UBE2G1: variants seen among roughly 807,000 people sequenced by gnomAD.
UBE2G1 encodes ubiquitin-conjugating enzyme E2 G1.
Under a neutral mutation model 22.7 loss-of-function variants are expected in UBE2G1, and 5 were observed. The observed-to-expected ratio is 0.22, with a 90% CI of 0.12 to 0.46. UBE2G1 has a LOEUF of 0.46. Ranked by LOEUF, UBE2G1 falls within the 20% of genes least tolerant of loss-of-function variation. The probability of loss-of-function intolerance (pLI) is 0.99; values close to 1 mark genes in which losing one functional copy is unlikely to be tolerated. For missense variants in UBE2G1, 88 were observed against 203.9 expected (o/e 0.43, Z 3.46); for synonymous variants, 74 against 67.5 (o/e 1.10, Z -0.47).
At chr17:4,283,966 G>T (rs943079775) in intron 4 of UBE2G1, among the ~76,000 whole-genome samples, 1 of 151,896 alleles carries the variant, frequency 6.6e-6, no homozygotes, top group African/African-American at 2.4e-5. Context: ...GACCAGCCTG[G>T]CCAACATGAT....
intron 1 of UBE2G1, among the ~76,000 whole-genome samples, chr17:4,365,635 G>C (rs2143845013): frequency 6.6e-6 from 1 of 152,176 alleles, no homozygotes; most frequent in Non-Finnish European, 1.5e-5. Flanking sequence ...GGGCGGCGCA[G>C]CCGGAGCCCG....
chr17:4,342,492 C>G (rs1402457008), intron 1 of UBE2G1, among the ~76,000 whole-genome samples: 1 of 152,218 alleles, frequency 6.6e-6, no homozygotes, highest in Non-Finnish European at 1.5e-5. Context: ...ACTGGGGAAG[C>G]TGAGGCTTGA....
chr17:4,284,660 A>G (rs1598179720), intron 4 of UBE2G1, among the ~76,000 whole-genome samples: 1 of 151,676 alleles, frequency 6.6e-6, no homozygotes, highest in Admixed American at 6.6e-5. Flanking sequence ...GCCAAAAACA[A>G]TTACTCCTTC....
At position 4,272,337 on chromosome 17, in the gene UBE2G1, A is replaced by G; in HGVS notation, c.*217T>C. 5.7e-6 allele frequency: 1 copy of G among 176,162 alleles called. No homozygotes were observed. The highest frequency in any genetic ancestry group is 1.5e-4 in the South Asian group (1 of 6,762). 10.9% of individuals were successfully genotyped at this position (176,162 alleles called of 1,614,324 possible). On this transcript the variant is annotated 3_prime_UTR_variant, in exon 6 of 6. Coordinates refer to ENST00000396981, the MANE Select transcript of UBE2G1 (RefSeq NM_003342.5). ...TTCCTGAAGGTTAAAACAGTTCATTAGAATTCAAAATGCGTAATCATCTGT... is the reference window on the plus strand; with the variant it reads ...TTCCTGAAGGTTAAAACAGTTCATTGGAATTCAAAATGCGTAATCATCTGT...
intron 1 of UBE2G1, among the ~76,000 whole-genome samples, chr17:4,359,250 A>G (rs1467490636): frequency 6.6e-6 from 1 of 152,232 alleles, no homozygotes; most frequent in East Asian, 1.9e-4. Context: ...AACAAACAAC[A>G]AACAGCTGCC....
At chr17:4,294,526 A>C (rs537796727) in intron 3 of UBE2G1, among the ~76,000 whole-genome samples, 2 of 152,216 alleles carry the variant, frequency 1.3e-5, no homozygotes, top group South Asian at 4.1e-4. Context: ...CTGTCCTCTT[A>C]AACTACCTAG....
intron 1 of UBE2G1, among the ~76,000 whole-genome samples, chr17:4,341,013 T>A: frequency 6.7e-6 from 1 of 149,402 alleles, no homozygotes; most frequent in South Asian, 2.1e-4. Flanking sequence ...AAGTTGATAT[T>A]CTGTGTGAGT....
intron 1 of UBE2G1, among the ~76,000 whole-genome samples, chr17:4,342,043 G>A (rs563133323): frequency 6.6e-6 from 1 of 152,232 alleles, no homozygotes; most frequent in South Asian, 2.1e-4. Flanking sequence ...CAACTTCATA[G>A]TTTATATGCA....
In UBE2G1 at chr17:4,271,811, C is replaced by T. The variant is rs1968763318; in HGVS notation, c.*743G>A. On this transcript the variant is annotated 3_prime_UTR_variant, in exon 6 of 6. Coordinates refer to ENST00000396981, the MANE Select transcript of UBE2G1 (RefSeq NM_003342.5). ...GACTGGGATCAAGAGCTCACAACGGCCAATAAATGTTATTGCTATATCCAA... is the reference window on the plus strand; with the variant it reads ...GACTGGGATCAAGAGCTCACAACGGTCAATAAATGTTATTGCTATATCCAA... 1 of 151,380 alleles carries T rather than the reference C, an allele frequency of 6.6e-6. No homozygotes were observed. The highest frequency in any genetic ancestry group is 1.5e-5 in the Non-Finnish European group (1 of 67,856). 9.4% of individuals were successfully genotyped at this position (151,380 alleles called of 1,614,324 possible).
intron 3 of UBE2G1, among the ~76,000 whole-genome samples, chr17:4,294,205 CAGGAGTTCA>C (rs1969077339): frequency 6.6e-6 from 1 of 152,136 alleles, no homozygotes; most frequent in Non-Finnish European, 1.5e-5. Context: ...CACATGAGGT[CAGGAGTTCA>C]AGACCAGCCT....
At chr17:4,331,185 T>C (rs1411824859) in intron 1 of UBE2G1, among the ~76,000 whole-genome samples, 2 of 152,184 alleles carry the variant, frequency 1.3e-5, no homozygotes, top group Admixed American at 1.3e-4. Context: ...TAGAAGGCAA[T>C]CAGTAATATT....
intron 1 of UBE2G1, among the ~76,000 whole-genome samples, chr17:4,326,496 G>A (rs921147511): frequency 6.6e-6 from 1 of 152,166 alleles, no homozygotes; most frequent in Non-Finnish European, 1.5e-5. Context: ...GAATGTAAGA[G>A]GATGCAACCA....
chr17:4,277,734 T>A (rs1470925639), intron 5 of UBE2G1, among the ~76,000 whole-genome samples: 1 of 152,194 alleles, frequency 6.6e-6, no homozygotes, highest in Non-Finnish European at 1.5e-5. Context: ...AATACATTTT[T>A]CAAGTGTTTA....
Position 4,307,040 on chromosome 17 carries a change from CAAT to C in UBE2G1, c.127_129del (p.Ile43del). ...ACTTACTAAAGTGTATCTGGAGGGC[CAAT>C]AATAAGGACTTCCCATCGGTAGAGA... On this transcript the variant is annotated inframe_deletion, in exon 2 of 6. Transcript: ENST00000396981. The C allele has an allele frequency of 6.2e-7, 1 of 1,613,790 alleles. No homozygotes were observed. The highest frequency in any genetic ancestry group is 8.5e-7 in the Non-Finnish European group (1 of 1,179,812).
chr17:4,292,032 T>C (rs1286776070), intron 3 of UBE2G1, among the ~76,000 whole-genome samples: 1 of 152,138 alleles, frequency 6.6e-6, no homozygotes, highest in African/African-American at 2.4e-5. Flanking sequence ...CTAAGCTACC[T>C]GGGCCGGGCA....
At chr17:4,274,227 T>G in intron 5 of UBE2G1, among the ~76,000 whole-genome samples, 1 of 130,318 alleles carries the variant, frequency 7.7e-6, no homozygotes, top group South Asian at 2.6e-4. Context: ...AGACAGAGTC[T>G]TGCTCTGTCG....
At chr17:4,360,790 A>T (rs1969957514) in intron 1 of UBE2G1, among the ~76,000 whole-genome samples, 1 of 152,170 alleles carries the variant, frequency 6.6e-6, no homozygotes, top group African/African-American at 2.4e-5. Flanking sequence ...ACATGCCTGT[A>T]ATCCCAGCTA....
chr17:4,346,091 T>C (rs769060699), intron 1 of UBE2G1, among the ~76,000 whole-genome samples: 2 of 152,214 alleles, frequency 1.3e-5, no homozygotes, highest in Non-Finnish European at 2.9e-5. Context: ...TTTATAAAAA[T>C]GACTAACCTT....
chr17:4,302,040 C>A (rs1866175), intron 2 of UBE2G1: 286,330 of 473,508 alleles, frequency 0.6, 85,129 homozygotes, highest in East Asian at 0.78. Context: ...ACAACAACAA[C>A]AAAAAAAGGG....
Sources: allele counts gnomAD v4.1 joint callset (sites outside exome capture counted in the v4.1 genomes callset), GRCh38; gene constraint gnomAD v4.1.1; transcripts MANE v1.5; gene names NCBI Gene and HGNC (gene_info 2026-07-23, HGNC 2026-07-21).